Variants in ADGRL3 observed in about 807,000 individuals in gnomAD.
The protein encoded by ADGRL3 is adhesion G protein-coupled receptor L3, also known as calcium-independent alpha-latrotoxin receptor 3.
Under a neutral mutation model 153.5 loss-of-function variants are expected in ADGRL3, and 62 were observed. The ratio of observed to expected loss-of-function variants is 0.40; its 90% CI spans 0.33 to 0.50. ADGRL3 has a LOEUF of 0.50. Ranked by LOEUF, ADGRL3 falls within the 20% of genes least tolerant of loss-of-function variation. The pLI is 0.47. For missense variants in ADGRL3, 1,641 were observed against 1,859.4 expected (o/e 0.88, Z 2.16); for synonymous variants, 710 against 672.5 (o/e 1.06, Z -0.86).
chr4:61,398,233 AT>A (rs201253343), intron 2 of ADGRL3, among the ~76,000 whole-genome samples: 1,523 of 151,914 alleles, frequency 0.01, 15 homozygotes, highest in Non-Finnish European at 0.016. Flanking sequence ...TAGAAAGCAG[AT>A]TTTGAAACTT....
chr4:61,747,924 G>C (rs2096691293), intron 8 of ADGRL3, among the ~76,000 whole-genome samples: 1 of 152,148 alleles, frequency 6.6e-6, no homozygotes, highest in Non-Finnish European at 1.5e-5. Flanking sequence ...AATTGTCCCT[G>C]TTTGCAGATG....
intron 23 of ADGRL3, among the ~76,000 whole-genome samples, chr4:62,033,709 A>G (rs1228119419): frequency 2.0e-5 from 3 of 151,852 alleles, no homozygotes; most frequent in Admixed American, 6.6e-5. Context: ...CATTATGATC[A>G]GTCATAACAT....
intron 4 of ADGRL3, among the ~76,000 whole-genome samples, chr4:61,566,314 T>C (rs920554624): frequency 2.0e-5 from 3 of 152,094 alleles, no homozygotes; most frequent in Admixed American, 1.3e-4. Flanking sequence ...AAGACATGAG[T>C]TCTGTTGGAT....
intron 21 of ADGRL3, among the ~76,000 whole-genome samples, chr4:62,010,564 A>G (rs1385105702): frequency 6.6e-6 from 1 of 152,172 alleles, no homozygotes; most frequent in Admixed American, 6.6e-5. Flanking sequence ...CAATATAAGA[A>G]TGTCATTTCC....
At chr4:61,588,781 T>C (rs999090066) in intron 5 of ADGRL3, among the ~76,000 whole-genome samples, 2 of 152,016 alleles carry the variant, frequency 1.3e-5, no homozygotes, top group African/African-American at 4.8e-5. Context: ...GTGTAGGTAT[T>C]GTAATGGTGT....
At chr4:62,011,741 CT>C (rs2099187501) in intron 21 of ADGRL3, among the ~76,000 whole-genome samples, 1 of 151,914 alleles carries the variant, frequency 6.6e-6, no homozygotes, top group African/African-American at 2.4e-5. Flanking sequence ...ATGAACAAAA[CT>C]TTTTTAAAAT....
In ADGRL3 at chr4:62,011,481, G is replaced by C. The variant is rs148093647; in HGVS notation, c.3395+13216G>C. On this transcript the variant is annotated intron_variant, in intron 21 of 26. Coordinates refer to ENST00000683033, the MANE Select transcript of ADGRL3 (RefSeq NM_001387552.1). ...AAAATGTTCCTTTCCTCTCGGTATA[G>C]GGCGGTTATCTCTGGGGTAAGTGTC... 9.6e-4 allele frequency among the ~76,000 whole-genome samples: 146 copies of C among 152,078 alleles called. 1 individual carries two copies. The highest frequency in any genetic ancestry group is 8.1e-4 in the Non-Finnish European group (55 of 67,968).
intron 2 of ADGRL3, among the ~76,000 whole-genome samples, chr4:61,437,915 A>G (rs1055583110): frequency 2.0e-5 from 3 of 152,198 alleles, no homozygotes; most frequent in African/African-American, 7.2e-5. Context: ...TCCACTGGAC[A>G]TTAATGACAC....
chr4:61,845,012 A>G (rs1165125038), intron 9 of ADGRL3, among the ~76,000 whole-genome samples: 1 of 152,216 alleles, frequency 6.6e-6, no homozygotes, highest in Admixed American at 6.5e-5. Context: ...AAAGTGGGAA[A>G]GATGGAAGGA....
At chr4:61,693,935 T>A (rs2095586173) in intron 6 of ADGRL3, among the ~76,000 whole-genome samples, 1 of 152,156 alleles carries the variant, frequency 6.6e-6, no homozygotes. Flanking sequence ...ATGCTAAAAG[T>A]ATGAATTACA....
intron 4 of ADGRL3, among the ~76,000 whole-genome samples, chr4:61,543,132 C>T (rs2098697978): frequency 6.9e-6 from 1 of 144,544 alleles, no homozygotes; most frequent in Non-Finnish European, 1.5e-5. Context: ...CAGAATTATC[C>T]CTCCCCCCCA....
At chr4:61,346,185 A>C (rs1167525073) in intron 1 of ADGRL3, among the ~76,000 whole-genome samples, 1 of 152,116 alleles carries the variant, frequency 6.6e-6, no homozygotes, top group East Asian at 1.9e-4. Flanking sequence ...AGGAACATTT[A>C]AGCCCAAATG....
At position 61,274,578 on chromosome 4, in the gene ADGRL3, A is replaced by C. The variant is rs187943102; in HGVS notation, c.-240+72813A>C. Among the ~76,000 whole-genome samples, 188 of 152,278 alleles carry C rather than the reference A, an allele frequency of 1.2e-3. 3 individuals carry two copies. The highest frequency in any genetic ancestry group is 2.9e-3 in the Admixed American group (45 of 15,282). The stretch of plus-strand genomic sequence containing the variant: ...AATGTGATTTAAAAAACAACATATT[A>C]AGGGTTAAAAAATGTAAGTTCTGTG... On this transcript the variant is annotated intron_variant, in intron 1 of 26. Coordinates refer to ENST00000683033, the MANE Select transcript of ADGRL3 (RefSeq NM_001387552.1).
At chr4:61,370,812 C>G (rs1209469669) in intron 1 of ADGRL3, among the ~76,000 whole-genome samples, 1 of 152,068 alleles carries the variant, frequency 6.6e-6, no homozygotes, top group African/African-American at 2.4e-5. Flanking sequence ...GTTGATCTGT[C>G]TAATATTGAC....
At chr4:61,495,931 C>A (rs2098310874) in intron 2 of ADGRL3, among the ~76,000 whole-genome samples, 1 of 152,100 alleles carries the variant, frequency 6.6e-6, no homozygotes, top group African/African-American at 2.4e-5. Flanking sequence ...TATATGCTTA[C>A]TGTTAAAAAC....
chr4:61,289,097 A>C (rs2094064322), intron 1 of ADGRL3, among the ~76,000 whole-genome samples: 1 of 152,040 alleles, frequency 6.6e-6, no homozygotes, highest in African/African-American at 2.4e-5. Context: ...GATGTAGCAC[A>C]GCGGAGGAAT....
intron 3 of ADGRL3, among the ~76,000 whole-genome samples, chr4:61,510,563 T>C (rs1441197284): frequency 6.6e-6 from 1 of 152,182 alleles, no homozygotes; most frequent in African/African-American, 2.4e-5. Flanking sequence ...GAAGATCAGA[T>C]GGTTGTATGT....
At position 61,373,074 on chromosome 4, in the gene ADGRL3, G is replaced by A. The variant is rs932720673; in HGVS notation, c.-239-10050G>A. Among the ~76,000 whole-genome samples the A allele has an allele frequency of 2.2e-4, 33 of 152,258 alleles. 1 individual carries two copies. Among genetic ancestry groups the A allele is most frequent in the Admixed American group, 2.0e-4 (3 of 15,294 alleles). On this transcript the variant is annotated intron_variant, in intron 1 of 26. Transcript: ENST00000683033. ...TGCTTCCCGAGTGAGGCAATGCCTC[G>A]CCCTGCTTCGGCTCGTGCAGGGTGC...
chr4:61,581,211 GA>G (rs2098923542), intron 4 of ADGRL3, among the ~76,000 whole-genome samples: 1 of 151,924 alleles, frequency 6.6e-6, no homozygotes, highest in South Asian at 2.1e-4. Flanking sequence ...CAGTTACTGG[GA>G]AAACTCCCTT....
Sources: allele counts gnomAD v4.1 joint callset (sites outside exome capture counted in the v4.1 genomes callset), GRCh38; gene constraint gnomAD v4.1.1; transcripts MANE v1.5; gene names NCBI Gene and HGNC (gene_info 2026-07-23, HGNC 2026-07-21).